TGFBRAP1: variants seen among roughly 807,000 people sequenced by gnomAD.
TGFBRAP1 encodes transforming growth factor beta receptor associated protein 1.
TGFBRAP1 carries 20 observed loss-of-function variants against 83.2 expected under a neutral mutation model. That is an observed-to-expected ratio of 0.24 (90% CI 0.17 to 0.35). The LOEUF (loss-of-function observed/expected upper bound fraction) is 0.35, where lower values mean the gene tolerates loss of function less well. TGFBRAP1 is among the 10% of genes least tolerant of loss of function. TGFBRAP1 has a pLI of 1.00. For synonymous variants in TGFBRAP1, 415 were observed against 459.8 expected, an observed-to-expected ratio of 0.90 and a Z score of 1.25; for missense variants, 950 against 1,099.4, an observed-to-expected ratio of 0.86 and a Z score of 1.92.
chr2:105,314,351 C>T (rs1039773753), intron 1 of TGFBRAP1, among the ~76,000 whole-genome samples: 68 of 150,164 alleles, frequency 4.5e-4, no homozygotes, highest in African/African-American at 1.6e-3. Context: ...CCCGGGTTCA[C>T]GCCATTCTCC....
chr2:105,266,989 G>A lies in TGFBRAP1; in HGVS notation c.*394C>T, dbSNP rs1676959496. ...CAGCCATGGTGAAGCCACGTTTCCA[G>A]TGCAAACATGAGTCTAAAGGTTGGA... is the stretch of plus-strand genomic sequence containing the variant. On this transcript the variant is annotated 3_prime_UTR_variant, in exon 12 of 12. Coordinates refer to ENST00000393359, the MANE Select transcript of TGFBRAP1 (RefSeq NM_004257.6). The A allele has an allele frequency of 5.8e-6, 1 of 172,032 alleles. No individual in the cohort carries two copies. Among genetic ancestry groups the A allele is most frequent in the South Asian group, 1.7e-4 (1 of 5,748 alleles). The allele number at this position is 172,032 out of a possible 1,614,324, so 10.7% of individuals were successfully genotyped here. A position where few individuals can be genotyped will look rare whatever the true frequency, so the allele number is the denominator to read the frequency against.
Position 105,269,853 on chromosome 2 carries a change from G to T in TGFBRAP1, c.1973-148C>A. The T allele has an allele frequency of 1.2e-6, 1 of 859,588 alleles. No homozygotes were observed. Among genetic ancestry groups the T allele is most frequent in the South Asian group, 2.2e-5 (1 of 45,680 alleles). 53.2% of individuals were successfully genotyped at this position (859,588 alleles called of 1,614,324 possible). Reference sequence around the variant, plus strand: ...AAATGCTGCCACCCAGATGACTGAGGGTAGGTTTTCTTGCATTTTCACACT... The same window carrying T: ...AAATGCTGCCACCCAGATGACTGAGTGTAGGTTTTCTTGCATTTTCACACT... On this transcript the variant is annotated intron_variant, in intron 10 of 11. Coordinates refer to ENST00000393359, the MANE Select transcript of TGFBRAP1 (RefSeq NM_004257.6). This position sits in a 1 kb window ranked among gnomAD's most constrained non-coding sequence, Gnocchi z 4.1.
At chr2:105,271,375 G>A (rs1325234951) in intron 10 of TGFBRAP1, among the ~76,000 whole-genome samples, 1 of 152,232 alleles carries the variant, frequency 6.6e-6, no homozygotes, top group Non-Finnish European at 1.5e-5. Context: ...AATAAGTCAG[G>A]AGTGAGTAAA....
chr2:105,268,275 T>C (rs915913131), intron 11 of TGFBRAP1, among the ~76,000 whole-genome samples: 3 of 152,188 alleles, frequency 2.0e-5, no homozygotes, highest in Non-Finnish European at 4.4e-5. Flanking sequence ...ATGGCAGGCT[T>C]AGCCCTACAG....
At chr2:105,316,647 C>T (rs987267909) in intron 1 of TGFBRAP1, among the ~76,000 whole-genome samples, 7 of 151,938 alleles carry the variant, frequency 4.6e-5, no homozygotes, top group African/African-American at 1.7e-4. Context: ...AAACCCGTCT[C>T]TACTAAAAAT....
chr2:105,307,727 T>C lies in TGFBRAP1; in HGVS notation c.575A>G (p.Asn192Ser). ...GTCCTGGGAGACGCCTGTGCTGTAATTGTGGATGATGTACTGAGTGGTCAG... is the reference window on the plus strand; with the variant it reads ...GTCCTGGGAGACGCCTGTGCTGTAACTGTGGATGATGTACTGAGTGGTCAG... ...LALTTQYIIH[N>S]YSTGVSQDLF... The change falls in exon 2 of 12, where the codon AAT becomes AGT. Residue 192 changes from asparagine (N) to serine (S), a missense_variant. Transcript: ENST00000393359. The C allele has an allele frequency of 1.2e-6, 2 of 1,614,098 alleles. No individual in the cohort carries two copies. The highest frequency in any genetic ancestry group is 8.5e-7 in the Non-Finnish European group (1 of 1,180,014).
At chr2:105,278,445 C>T (rs1356781267) in intron 6 of TGFBRAP1, among the ~76,000 whole-genome samples, 3 of 152,126 alleles carry the variant, frequency 2.0e-5, no homozygotes, top group Non-Finnish European at 4.4e-5. Flanking sequence ...GTCCGGGACT[C>T]GCAGACCACA....
At chr2:105,289,427 G>A (rs1344608389) in intron 4 of TGFBRAP1, among the ~76,000 whole-genome samples, 1 of 152,182 alleles carries the variant, frequency 6.6e-6, no homozygotes, top group Non-Finnish European at 1.5e-5. Flanking sequence ...GATACAGTGA[G>A]CCCTCTCATT....
In TGFBRAP1 at chr2:105,329,659, G is replaced by A. The variant is rs1679318963; in HGVS notation, c.-52C>T. The A allele has an allele frequency of 6.8e-6, 1 of 146,764 alleles. No homozygotes were observed. Among genetic ancestry groups the A allele is most frequent in the Non-Finnish European group, 1.5e-5 (1 of 65,736 alleles). The allele number at this position is 146,764 out of a possible 1,614,324, so 9.1% of individuals were successfully genotyped here. ...CGCCCGCCGTCCCGCGCCGCCCCGC[G>A]GCCTGGGGCCCCGCCGCCCCGCTCC... On this transcript the variant is annotated 5_prime_UTR_variant, in exon 1 of 12. Coordinates refer to ENST00000393359, the MANE Select transcript of TGFBRAP1 (RefSeq NM_004257.6).
downstream of TGFBRAP1, among the ~76,000 whole-genome samples, chr2:105,260,216 C>T (rs2104288151): frequency 6.6e-6 from 1 of 152,224 alleles, no homozygotes; most frequent in Non-Finnish European, 1.5e-5. Context: ...CGAGACCAGC[C>T]TGGCCAACGT....
At chr2:105,260,358 G>C (rs891662896), downstream of TGFBRAP1, among the ~76,000 whole-genome samples, 1 of 152,194 alleles carries the variant, frequency 6.6e-6, no homozygotes, top group Non-Finnish European at 1.5e-5. Context: ...GCAGTGAACT[G>C]AGATCTTGCC....
Position 105,265,640 on chromosome 2 carries a change from T to C in TGFBRAP1, c.*1743A>G, listed in dbSNP as rs1479279369. 6.5e-6 allele frequency: 1 copy of C among 152,716 alleles called. No homozygotes were observed. The highest frequency in any genetic ancestry group is 2.4e-5 in the African/African-American group (1 of 41,464). The allele number at this position is 152,716 out of a possible 1,614,324, so 9.5% of individuals were successfully genotyped here. A position where few individuals can be genotyped will look rare whatever the true frequency, so the allele number is the denominator to read the frequency against. On this transcript the variant is annotated 3_prime_UTR_variant, in exon 12 of 12. Coordinates refer to ENST00000393359, the MANE Select transcript of TGFBRAP1 (RefSeq NM_004257.6). ...AACATATGCAGTAATATGACCATTC[T>C]ACAACAGAGTCACCCACAGGTAAAA...
At chr2:105,312,541 T>C (rs1304729687) in intron 1 of TGFBRAP1, among the ~76,000 whole-genome samples, 1 of 152,172 alleles carries the variant, frequency 6.6e-6, no homozygotes, top group African/African-American at 2.4e-5. Context: ...TCCCACTTCC[T>C]AAGAGTCTCC....
chr2:105,293,344 T>C (rs1677978045), intron 4 of TGFBRAP1, among the ~76,000 whole-genome samples: 1 of 152,262 alleles, frequency 6.6e-6, no homozygotes, highest in Non-Finnish European at 1.5e-5. Context: ...AACTGTAATA[T>C]AATTTAAGGC....
At chr2:105,250,641 A>C in the TGFBRAP1 span, among the ~76,000 whole-genome samples, 21 of 99,490 alleles carry the variant, frequency 2.1e-4, no homozygotes, top group Admixed American at 3.9e-4. Context: ...CCCTCTCCCC[A>C]CGGTCTCCCT....
chr2:105,267,704 G>A, intron 11 of TGFBRAP1, 145 bp from the exon 12 acceptor site: 1 of 1,467,698 alleles, frequency 6.8e-7, no homozygotes, highest in Non-Finnish European at 9.0e-7. Context: ...TTCTTGAAAT[G>A]AAATGCTAAA....
rs1401134754 is a variant in TGFBRAP1 at position 105,267,257 on chromosome 2, G to A, written c.*126C>T. On this transcript the variant is annotated 3_prime_UTR_variant, in exon 12 of 12. Coordinates refer to ENST00000393359, the MANE Select transcript of TGFBRAP1 (RefSeq NM_004257.6). Reference sequence around the variant, plus strand: ...GAGTCCTTGTTGCGTATGGACGGAAGGCTCCCTGGCACCCAGATGTCTCCC... The same window carrying A: ...GAGTCCTTGTTGCGTATGGACGGAAAGCTCCCTGGCACCCAGATGTCTCCC... 2 of 1,299,802 alleles carry A rather than the reference G, an allele frequency of 1.5e-6. No individual in the cohort carries two copies. Among genetic ancestry groups the A allele is most frequent in the African/African-American group, 1.5e-5 (1 of 67,042 alleles). The allele number at this position is 1,299,802 out of a possible 1,614,324, so 80.5% of individuals were successfully genotyped here.
In TGFBRAP1 at chr2:105,269,828, A is replaced by G. The variant is rs557358647; in HGVS notation, c.1973-123T>C. 4.1e-5 allele frequency: 43 copies of G among 1,058,194 alleles called. No homozygotes were observed. In the South Asian group the frequency reaches 6.9e-4, roughly 17 times the overall value. 65.6% of individuals were successfully genotyped at this position (1,058,194 alleles called of 1,614,324 possible). On this transcript the variant is annotated intron_variant, in intron 10 of 11. Transcript: ENST00000393359. This position sits in a 1 kb window ranked among gnomAD's most constrained non-coding sequence, Gnocchi z 4.1. ...GTCAACCTGGCTCCCTCACAATGCC[A>G]AATGCTGCCACCCAGATGACTGAGG...
At chr2:105,296,935 T>C (rs1193252728) in intron 3 of TGFBRAP1, among the ~76,000 whole-genome samples, 2 of 152,008 alleles carry the variant, frequency 1.3e-5, no homozygotes, top group Non-Finnish European at 2.9e-5. Flanking sequence ...TATATAAAAT[T>C]AAAATTTTAA....
Sources: allele counts gnomAD v4.1 joint callset (sites outside exome capture counted in the v4.1 genomes callset), GRCh38; gene constraint gnomAD v4.1.1; non-coding constraint Gnocchi (gnomAD v3.1); transcripts MANE v1.5; gene names NCBI Gene and HGNC (gene_info 2026-07-23, HGNC 2026-07-21).